The following GLYATL2 variants were observed in gnomAD, a reference collection of about 807,000 sequenced individuals.
The protein encoded by GLYATL2 is glycine N-acyltransferase-like protein 2.
A neutral mutation model predicts 21.4 loss-of-function variants in GLYATL2; 25 were observed. The ratio of observed to expected loss-of-function variants is 1.17; its 90% CI spans 0.85 to 1.63. GLYATL2 has a LOEUF of 1.63. Ranked by LOEUF, GLYATL2 falls within the 40% of genes most tolerant of loss-of-function variation. The pLI is 0.00. For synonymous variants in GLYATL2, 114 were observed against 118.2 expected (o/e 0.96, Z 0.23); for missense variants, 361 against 343.3 (o/e 1.05, Z -0.41).
Position 58,837,089 on chromosome 11 carries a change from T to C in GLYATL2, c.402A>G (p.Ile134Met), listed in dbSNP as rs140678694. Residue 134 changes from isoleucine (I) to methionine (M), a missense_variant, in exon 5 of 6, where the codon ATA (isoleucine) becomes ATG (methionine). Transcript: ENST00000287275. Reference protein sequence around the residue: ...QVDYMKTILFIPELPKKHKTS... With the variant: ...QVDYMKTILFMPELPKKHKTS... Reference sequence around the variant, plus strand: ...TCTTGTGTTTCTTTGGTAATTCCGGTATAAAGAGGATGGTTTTCATGTAAT... The same window carrying C: ...TCTTGTGTTTCTTTGGTAATTCCGGCATAAAGAGGATGGTTTTCATGTAAT... The C allele has an allele frequency of 4.8e-4, 769 of 1,613,824 alleles. 4 individuals carry two copies. The African/African-American group carries it at 9.5e-3, about 20-fold the overall frequency.
chr11:58,850,406 T>C (rs1853718668), intron 1 of GLYATL2, among the ~76,000 whole-genome samples: 1 of 152,154 alleles, frequency 6.6e-6, no homozygotes, highest in Admixed American at 6.6e-5. Flanking sequence ...ACAAGAGTTA[T>C]ACTAGATATA....
chr11:58,841,458 A>G (rs1393978485), intron 1 of GLYATL2, among the ~76,000 whole-genome samples: 3 of 152,200 alleles, frequency 2.0e-5, no homozygotes, highest in Non-Finnish European at 4.4e-5. Flanking sequence ...CAGAAAAGGT[A>G]TGTGAAGTGT....
intron 1 of GLYATL2, among the ~76,000 whole-genome samples, chr11:58,863,193 T>C (rs1274200501): frequency 2.0e-5 from 3 of 152,136 alleles, no homozygotes; most frequent in African/African-American, 2.4e-5. Context: ...CCTGTACCAA[T>C]AGGGGCTGGA....
intron 1 of GLYATL2, among the ~76,000 whole-genome samples, chr11:58,877,865 T>C (rs1172592242): frequency 1.3e-5 from 2 of 152,248 alleles, no homozygotes; most frequent in East Asian, 1.9e-4. Context: ...AAGGACTCTG[T>C]ACTTCTACAT....
At chr11:58,871,993 G>A (rs938219669) in intron 1 of GLYATL2, among the ~76,000 whole-genome samples, 8 of 152,138 alleles carry the variant, frequency 5.3e-5, no homozygotes, top group Non-Finnish European at 1.0e-4. Context: ...GTGTGAAATG[G>A]TATCTCATTG....
chr11:58,855,850 G>A (rs1180585685), intron 1 of GLYATL2, among the ~76,000 whole-genome samples: 9 of 152,224 alleles, frequency 5.9e-5, no homozygotes, highest in African/African-American at 2.2e-4. Flanking sequence ...TGGGCCAGGT[G>A]TGGTGGCTCA....
At chr11:58,876,440 A>G (rs1406655396) in intron 1 of GLYATL2, among the ~76,000 whole-genome samples, 1 of 152,036 alleles carries the variant, frequency 6.6e-6, no homozygotes, top group Non-Finnish European at 1.5e-5. Flanking sequence ...TTGGTCTTTG[A>G]TGATGGTGAC....
At chr11:58,875,954 CA>C (rs1250055481) in intron 1 of GLYATL2, among the ~76,000 whole-genome samples, 1 of 152,222 alleles carries the variant, frequency 6.6e-6, no homozygotes, top group Non-Finnish European at 1.5e-5. Flanking sequence ...GGTCTTTTCA[CA>C]TAGTCCCATA....
At chr11:58,855,464 G>T (rs950364559) in intron 1 of GLYATL2, among the ~76,000 whole-genome samples, 4 of 152,170 alleles carry the variant, frequency 2.6e-5, no homozygotes, top group African/African-American at 7.2e-5. Context: ...TAAATAGATG[G>T]TGCTGCAATC....
chr11:58,873,573 T>C (rs1407962882), intron 1 of GLYATL2, among the ~76,000 whole-genome samples: 2 of 152,248 alleles, frequency 1.3e-5, no homozygotes, highest in Non-Finnish European at 2.9e-5. Context: ...GTTCTGTTTA[T>C]ATACTGGATT....
intron 1 of GLYATL2, among the ~76,000 whole-genome samples, chr11:58,888,788 GTACATTATGCAA>G (rs1342718542): frequency 6.6e-6 from 1 of 151,792 alleles, no homozygotes; most frequent in African/African-American, 2.4e-5. Flanking sequence ...TGCATACATT[GTACATTATGCAA>G]TGTACACAAT....
chr11:58,907,338 C>T (rs1854922140), upstream of GLYATL2: 1 of 456,136 alleles, frequency 2.2e-6, no homozygotes, highest in African/African-American at 2.0e-5. Context: ...GTCTTGCTGC[C>T]CTTCCTTGCG....
chr11:58,854,504 G>A (rs75079381), intron 1 of GLYATL2, among the ~76,000 whole-genome samples: 2,548 of 152,312 alleles, frequency 0.017, 63 homozygotes, highest in African/African-American at 0.058. Context: ...AAAATGCTAA[G>A]GATAATCTGA....
At chr11:58,904,745 A>AAGC (rs112882375), upstream of GLYATL2, among the ~76,000 whole-genome samples, 8,618 of 152,270 alleles carry the variant, frequency 0.057, 592 homozygotes, top group African/African-American at 0.17. Context: ...CGTGTAATTT[A>AAGC]AGTGATTTCA....
intron 1 of GLYATL2, among the ~76,000 whole-genome samples, chr11:58,891,422 T>C (rs1854541429): frequency 6.6e-6 from 1 of 152,216 alleles, no homozygotes; most frequent in South Asian, 2.1e-4. Context: ...TGTGGGCTTC[T>C]GGCTGTAAAG....
intron 1 of GLYATL2, among the ~76,000 whole-genome samples, chr11:58,868,679 G>A (rs1310292798): frequency 6.7e-6 from 1 of 149,082 alleles, no homozygotes; most frequent in Non-Finnish European, 1.5e-5. Context: ...TGGCCCAGGA[G>A]TCTCAAAGCC....
At chr11:58,849,079 A>G (rs1179442166), upstream of GLYATL2, among the ~76,000 whole-genome samples, 2 of 152,234 alleles carry the variant, frequency 1.3e-5, no homozygotes, top group Non-Finnish European at 2.9e-5. Flanking sequence ...TTACCCTAGA[A>G]TATTATCTCA....
At chr11:58,901,137 A>G (rs1231927465) in intron 1 of GLYATL2, among the ~76,000 whole-genome samples, 1 of 152,202 alleles carries the variant, frequency 6.6e-6, no homozygotes, top group Non-Finnish European at 1.5e-5. Flanking sequence ...TTCCCACAAG[A>G]TGCAAGTAAA....
intron 1 of GLYATL2, among the ~76,000 whole-genome samples, chr11:58,864,331 T>C (rs1223168832): frequency 7.9e-6 from 1 of 126,076 alleles, no homozygotes; most frequent in Non-Finnish European, 1.8e-5. Flanking sequence ...CCAGGGACCA[T>C]CTGACACCTA....
Sources: allele counts gnomAD v4.1 joint callset (sites outside exome capture counted in the v4.1 genomes callset), GRCh38; gene constraint gnomAD v4.1.1; transcripts MANE v1.5; gene names NCBI Gene and HGNC (gene_info 2026-07-23, HGNC 2026-07-21).